The following SYN1 variants were observed in gnomAD, a reference collection of about 807,000 sequenced individuals.
The protein encoded by SYN1 is synapsin-1.
Under a neutral mutation model 44.6 loss-of-function variants are expected in SYN1, and 8 were observed. The observed-to-expected ratio is 0.18, with a 90% CI of 0.11 to 0.32. SYN1 has a LOEUF of 0.32. Ranked by LOEUF, SYN1 falls within the 10% of genes least tolerant of loss-of-function variation. SYN1 has a pLI of 1.00. For missense variants in SYN1, 451 were observed against 639.4 expected (o/e 0.71, Z 3.18); for synonymous variants, 275 against 280.1 (o/e 0.98, Z 0.18).
intron 1 of SYN1, among the ~76,000 whole-genome samples, chrX:47,614,704 G>A (rs1347398749): frequency 2.7e-5 from 3 of 111,665 alleles, no homozygotes; most frequent in Admixed American, 9.5e-5. Context: ...GGAATTATCC[G>A]CTGCTGATGG....
intron 1 of SYN1, among the ~76,000 whole-genome samples, chrX:47,609,407 G>A (rs2057910668): frequency 8.9e-6 from 1 of 112,052 alleles, no homozygotes; most frequent in African/African-American, 3.2e-5. Context: ...GACCCTCCCA[G>A]CCCCAGGGCT....
intron 5 of SYN1, among the ~76,000 whole-genome samples, chrX:47,580,635 A>C (rs2057794381): frequency 9.2e-6 from 1 of 108,258 alleles, no homozygotes; most frequent in African/African-American, 3.4e-5. Flanking sequence ...CTGTCTAAAA[A>C]AAAAAAAAAG....
chrX:47,593,603 C>T (rs2057855078), intron 5 of SYN1, among the ~76,000 whole-genome samples: 1 of 111,597 alleles, frequency 9.0e-6, no homozygotes, highest in Admixed American at 9.5e-5. Flanking sequence ...GTTATAATTG[C>T]TTTAGAAAGG....
chrX:47,590,415 C>T (rs1007999892), intron 5 of SYN1, among the ~76,000 whole-genome samples: 19 of 111,745 alleles, frequency 1.7e-4, no homozygotes, highest in African/African-American at 4.9e-4. Flanking sequence ...ATTCTCCCCA[C>T]GAAGAACCCC....
At chrX:47,610,649 C>T (rs1369620011) in intron 1 of SYN1, among the ~76,000 whole-genome samples, 1 of 109,816 alleles carries the variant, frequency 9.1e-6, no homozygotes, top group Non-Finnish European at 1.9e-5. Context: ...GGACAATGGG[C>T]GAAGGAGGTA....
At position 47,619,743 on chromosome X, in the gene SYN1, G is replaced by T; in HGVS notation, c.-15C>A. The T allele has an allele frequency of 8.6e-7, 1 of 1,163,970 alleles. No individual in the cohort carries two copies. The highest frequency in any genetic ancestry group is 1.1e-6 in the Non-Finnish European group (1 of 870,917). Reference sequence around the variant, plus strand: ...AGGTAGTTCATGGCTGCGACTTGGGGCAGGGGGTCCTAGGGGTGGTCTGGC... The same window carrying T: ...AGGTAGTTCATGGCTGCGACTTGGGTCAGGGGGTCCTAGGGGTGGTCTGGC... On this transcript the variant is annotated 5_prime_UTR_variant, in exon 1 of 13. Coordinates refer to ENST00000295987, the MANE Select transcript of SYN1 (RefSeq NM_006950.3).
At chrX:47,579,107 A>G (rs1383603049) in intron 5 of SYN1, among the ~76,000 whole-genome samples, 2 of 111,698 alleles carry the variant, frequency 1.8e-5, no homozygotes, top group Non-Finnish European at 3.8e-5. Context: ...CAACTCCCAG[A>G]AGTAACACAC....
At chrX:47,613,427 G>A (rs2147931258) in intron 1 of SYN1, among the ~76,000 whole-genome samples, 1 of 111,820 alleles carries the variant, frequency 8.9e-6, no homozygotes, top group Non-Finnish European at 1.9e-5. Flanking sequence ...TCCCTGACAC[G>A]CCACCATCCC....
At position 47,604,887 on chromosome X, in the gene SYN1, A is replaced by G. The variant is rs2057891526; in HGVS notation, c.774+91T>C. The G allele has an allele frequency of 2.5e-5, 21 of 843,428 alleles. No individual in the cohort carries two copies. In the Admixed American group the frequency reaches 5.6e-4, roughly 23 times the overall value. The allele number at this position is 843,428 out of a possible 1,213,427, so 69.5% of individuals were successfully genotyped here. On this transcript the variant is annotated intron_variant, in intron 5 of 12. Transcript: ENST00000295987. ...CGTGCACACAGCAGCCACACTCTTG[A>G]TATCGCACTGCTGATAATATACCAA... is the stretch of plus-strand genomic sequence containing the variant.
intron 5 of SYN1, among the ~76,000 whole-genome samples, chrX:47,577,784 G>A (rs1343415729): frequency 9.2e-6 from 1 of 108,211 alleles, no homozygotes; most frequent in Non-Finnish European, 1.9e-5. Context: ...TGGTATGAGC[G>A]TGGGGGACTG....
intron 5 of SYN1, 73 bp downstream of exon 5, chrX:47,604,904 AT>A: frequency 6.2e-6 from 6 of 960,960 alleles, no homozygotes; most frequent in Non-Finnish European, 8.9e-6. Context: ...ACTGCTGATA[AT>A]ATACCAATAT....
In SYN1 at chrX:47,619,609, G is replaced by A. The variant is rs1191401276; in HGVS notation, c.120C>T (p.Pro40=). ...CGGTCCCGGGACCGGGCGTGGCTCC[G>A]GGGCTGTGGGCACCGGGCGGCGGTG... is the stretch of plus-strand genomic sequence containing the variant. ...PPPPPPGAHS[P]GATPGPGTAT... is the part of the protein sequence containing the mutation. The change falls in exon 1 of 13, where the codon CCC becomes CCT. Residue 40 remains proline, a synonymous_variant. Transcript: ENST00000295987. 2 of 1,160,202 alleles carry A rather than the reference G, an allele frequency of 1.7e-6. No individual in the cohort carries two copies. The highest frequency in any genetic ancestry group is 2.3e-6 in the Non-Finnish European group (2 of 868,988).
At chrX:47,575,744 C>T (rs767211961) in intron 9 of SYN1, among the ~76,000 whole-genome samples, 2 of 111,614 alleles carry the variant, frequency 1.8e-5, no homozygotes, top group East Asian at 2.8e-4. Context: ...AAATATGTAC[C>T]GTCTGCTCCT....
chrX:47,607,309 G>A (rs2057900917), intron 1 of SYN1, 111 bp from the exon 2 acceptor site: 2 of 627,148 alleles, frequency 3.2e-6, no homozygotes, highest in Middle Eastern at 6.7e-4. Context: ...ACCACAAAGT[G>A]CCTTATAATT....
chrX:47,583,675 A>C, intron 5 of SYN1: 1 of 712,782 alleles, frequency 1.4e-6, no homozygotes, highest in East Asian at 3.8e-5. Flanking sequence ...TGGCATCCTC[A>C]CACTTCCTTG....
chrX:47,575,367 G>T, intron 9 of SYN1, 93 bp from the exon 10 acceptor site: 3 of 1,021,605 alleles, frequency 2.9e-6, no homozygotes, highest in Non-Finnish European at 4.0e-6. Context: ...GGGCATGGCC[G>T]CCGCTGAGCC....
rs886042481 is a variant in SYN1 at position 47,619,352 on chromosome X, C to A, written c.377G>T (p.Trp126Leu). 1 of 1,200,904 alleles carries A rather than the reference C, an allele frequency of 8.3e-7. No homozygotes were observed. Residue 126 changes from tryptophan (W) to leucine (L), a missense_variant and splice_region_variant, in exon 1 of 13, where the codon TGG becomes TTG. By Grantham distance (61) the Trp-to-Leu change is moderately conservative. This residue lies in a region of SYN1 where 315 missense variants were observed against 451.4 expected (regional missense o/e 0.70). Coordinates refer to ENST00000295987, the MANE Select transcript of SYN1 (RefSeq NM_006950.3). ...GGAGACGTCCGCGGCAGTGGCTTAC[C>A]AGTCGGTGTGCGGCTCGTCGATGAC... ...LLVIDEPHTDWAKYFKGKKIH... is the reference protein window; with the variant it reads ...LLVIDEPHTDLAKYFKGKKIH...
At chrX:47,602,504 T>G (rs1357472575) in intron 5 of SYN1, among the ~76,000 whole-genome samples, 1 of 111,032 alleles carries the variant, frequency 9.0e-6, no homozygotes, top group Non-Finnish European at 1.9e-5. Context: ...TAGCTGGGCG[T>G]GGTGGCACGC....
chrX:47,583,381 C>A, intron 5 of SYN1: 1 of 1,175,800 alleles, frequency 8.5e-7, no homozygotes, highest in Admixed American at 2.3e-5. Context: ...TGGGCCGGGG[C>A]CTGCCTGACA....
Sources: allele counts gnomAD v4.1 joint callset (sites outside exome capture counted in the v4.1 genomes callset), GRCh38; gene constraint gnomAD v4.1.1; regional missense constraint gnomAD v4.1.1; transcripts MANE v1.5; gene names NCBI Gene and HGNC (gene_info 2026-07-23, HGNC 2026-07-21).